Variants in SI observed in about 807,000 individuals in gnomAD.
SI encodes sucrase-isomaltase, intestinal.
A neutral mutation model predicts 253.3 loss-of-function variants in SI; 235 were observed. The ratio of observed to expected loss-of-function variants is 0.93; its 90% CI spans 0.83 to 1.03. The LOEUF is 1.03. Among genes scored for constraint, SI ranks in the 50% least tolerant of loss-of-function variants. The pLI is 0.00. For synonymous variants in SI, 819 were observed against 712.0 expected (o/e 1.15, Z -2.39); for missense variants, 2,442 against 2,211.1 (o/e 1.10, Z -2.09).
In SI at chr3:165,032,670, G is replaced by A; in HGVS notation, c.2588C>T (p.Thr863Ile). The A allele has an allele frequency of 6.2e-7, 1 of 1,604,056 alleles. No individual in the cohort carries two copies. Among genetic ancestry groups the A allele is most frequent in the Non-Finnish European group, 8.5e-7 (1 of 1,172,482 alleles). The change falls in exon 24 of 48, where the codon ACA becomes ATA. Residue 863 changes from threonine to isoleucine, a missense_variant. Coordinates refer to ENST00000264382, the MANE Select transcript of SI (RefSeq NM_001041.4). The part of the protein sequence containing the change: ...VSNNTLDIVC[T>I]HSSYQEGTTL... ...AGTTCCTTCCTGATATGATGAATGTGTGCACACAATATCTAATGTGTTCTG... is the reference window on the plus strand; with the variant it reads ...AGTTCCTTCCTGATATGATGAATGTATGCACACAATATCTAATGTGTTCTG...
intron 13 of SI, among the ~76,000 whole-genome samples, chr3:165,050,314 C>T (rs1713362330): frequency 6.6e-6 from 1 of 152,050 alleles, no homozygotes; most frequent in Non-Finnish European, 1.5e-5. Context: ...CTCCTATACA[C>T]TCATAAAAGA....
intron 24 of SI, among the ~76,000 whole-genome samples, chr3:165,031,255 A>G (rs1215876431): frequency 1.3e-5 from 2 of 149,538 alleles, no homozygotes; most frequent in Non-Finnish European, 3.0e-5. Flanking sequence ...CCCACCAAAC[A>G]TAATTGCAAA....
chr3:165,078,493 T>C lies in SI; in HGVS notation c.-61A>G, dbSNP rs1303339252. On this transcript the variant is annotated 5_prime_UTR_variant, in exon 1 of 48. Transcript: ENST00000264382. ...CCAGACTTGGATAAGGCTGCCAAAA[T>C]AATGATCAAGGAAAGCTGCTTAGGT... 6.6e-6 allele frequency: 1 copy of C among 152,020 alleles called. No homozygotes were observed. Among genetic ancestry groups the C allele is most frequent in the African/African-American group, 2.4e-5 (1 of 41,400 alleles). The allele number at this position is 152,020 out of a possible 1,614,324, so 9.4% of individuals were successfully genotyped here.
At chr3:164,998,381 G>A (rs1718111576) in intron 38 of SI, among the ~76,000 whole-genome samples, 159 bp downstream of exon 38, 1 of 151,690 alleles carries the variant, frequency 6.6e-6, no homozygotes, top group African/African-American at 2.4e-5. Flanking sequence ...CCTCAATCCA[G>A]CTTCCTGGCC....
upstream of SI, among the ~76,000 whole-genome samples, chr3:165,080,427 A>G (rs1715268850): frequency 6.6e-6 from 1 of 152,042 alleles, no homozygotes; most frequent in South Asian, 2.1e-4. Flanking sequence ...TGTGATTTTC[A>G]TGCTGCTAAA....
chr3:164,992,617 G>A (rs561129492), intron 41 of SI, among the ~76,000 whole-genome samples: 9 of 151,728 alleles, frequency 5.9e-5, no homozygotes, highest in Admixed American at 4.0e-4. Flanking sequence ...CTAAATTTCC[G>A]GAGAAAATAG....
At chr3:164,996,810 T>A (rs746151855) in intron 38 of SI, 38 bp from the exon 39 acceptor site, 1 of 885,268 alleles carries the variant, frequency 1.1e-6, no homozygotes. Context: ...AAAGTTATTA[T>A]TTCATATATT....
chr3:165,083,054 T>G (rs1715392435), upstream of SI, among the ~76,000 whole-genome samples: 1 of 151,960 alleles, frequency 6.6e-6, no homozygotes, highest in Non-Finnish European at 1.5e-5. Flanking sequence ...GATATATCAT[T>G]GGTAATAAAA....
In SI at chr3:165,059,889, T is replaced by G. The variant is rs9290259; in HGVS notation, c.1146+13A>C. On this transcript the variant is annotated intron_variant, in intron 10 of 47. Transcript: ENST00000264382. Reference sequence around the variant, plus strand: ...CTTGATATATATTCCCACGGACCCTTTATTCTACTTACAAATGGTATGCCA... The same window carrying G: ...CTTGATATATATTCCCACGGACCCTGTATTCTACTTACAAATGGTATGCCA... The G allele has an allele frequency of 0.6, 960,208 of 1,606,382 alleles. 290,014 individuals are homozygous for G. Among genetic ancestry groups the G allele is most frequent in the East Asian group, 0.83 (37,085 of 44,672 alleles).
At chr3:165,034,713 T>C (rs10936430) in intron 22 of SI, among the ~76,000 whole-genome samples, 121,114 of 152,010 alleles carry the variant, frequency 0.8, 49,518 homozygotes, top group East Asian at 0.93. Flanking sequence ...TGTGTGTGCG[T>C]GCATGCACGT....
chr3:164,981,492 A>G (rs1351181515), intron 47 of SI, among the ~76,000 whole-genome samples: 1 of 152,112 alleles, frequency 6.6e-6, no homozygotes, highest in East Asian at 1.9e-4. Context: ...TGACTGATTA[A>G]AGGCTCTTTG....
chr3:165,055,172 T>G, intron 13 of SI, 22 bp downstream of exon 13: 1 of 1,398,102 alleles, frequency 7.2e-7, no homozygotes, highest in South Asian at 1.2e-5. Flanking sequence ...ACCAAAACCA[T>G]TGGTTTAAAA....
chr3:165,004,939 T>C lies in SI; in HGVS notation c.4406+1877A>G, dbSNP rs149602922. 4.3e-3 allele frequency among the ~76,000 whole-genome samples: 651 copies of C among 152,088 alleles called. 3 individuals are homozygous for C. The highest frequency in any genetic ancestry group is 0.015 in the African/African-American group (632 of 41,542). On this transcript the variant is annotated intron_variant, in intron 37 of 47. Coordinates refer to ENST00000264382, the MANE Select transcript of SI (RefSeq NM_001041.4). ...GGAGGTGATTCCATCATGGGGGCGG[T>C]TTCCCCTACGCTATTCTTGTAATAG... is the stretch of plus-strand genomic sequence containing the variant.
intron 1 of SI, 116 bp downstream of exon 1, chr3:165,078,317 A>T (rs1715135430): frequency 6.6e-6 from 1 of 151,984 alleles, no homozygotes; most frequent in South Asian, 2.1e-4. Context: ...AAAATATATG[A>T]TATTGCTATT....
chr3:165,084,138 A>G, the SI span, among the ~76,000 whole-genome samples: 1 of 152,050 alleles, frequency 6.6e-6, no homozygotes, highest in Admixed American at 6.6e-5. Flanking sequence ...TTTCTATAAA[A>G]AAGGCCCCAA....
chr3:164,989,124 A>G (rs895938324), intron 44 of SI, among the ~76,000 whole-genome samples: 35 of 150,660 alleles, frequency 2.3e-4, no homozygotes, highest in African/African-American at 8.0e-4. Flanking sequence ...TTAAAAAAAA[A>G]AGAAACAGGT....
At chr3:164,990,640 C>T (rs906923293) in intron 44 of SI, among the ~76,000 whole-genome samples, 3 of 151,912 alleles carry the variant, frequency 2.0e-5, no homozygotes, top group Admixed American at 6.6e-5. Flanking sequence ...AGCAAACTGT[C>T]GCAAGGACAA....
intron 14 of SI, among the ~76,000 whole-genome samples, chr3:165,049,549 A>G (rs1036898251): frequency 9.9e-5 from 15 of 152,120 alleles, no homozygotes; most frequent in Non-Finnish European, 1.9e-4. Context: ...AAATATACCT[A>G]TACCAAACTA....
chr3:164,985,684 A>G (rs114161790), intron 45 of SI, among the ~76,000 whole-genome samples: 7,328 of 152,184 alleles, frequency 0.048, 597 homozygotes, highest in African/African-American at 0.17. Context: ...ACAGATATCA[A>G]TTTTTTTGAT....
Sources: gnomAD v4.1 joint callset for allele counts (sites outside exome capture counted in the v4.1 genomes callset) on GRCh38, gnomAD v4.1.1 for gene constraint, MANE v1.5 for transcripts, NCBI Gene and HGNC (gene_info 2026-07-23, HGNC 2026-07-21) for gene names.